Variants in RNF24 observed in about 807,000 individuals in gnomAD.
RNF24 encodes the protein ring finger protein 24.
Under a neutral mutation model 20.0 loss-of-function variants are expected in RNF24, and 14 were observed. The observed-to-expected ratio is 0.70, with a 90% CI of 0.46 to 1.10. The LOEUF (loss-of-function observed/expected upper bound fraction) is 1.10, where lower values mean the gene tolerates loss of function less well. Among genes scored for constraint, RNF24 ranks in the 50% least tolerant of loss-of-function variants. RNF24 has a pLI of 0.00. For synonymous variants in RNF24, 45 were observed against 61.1 expected, an observed-to-expected ratio of 0.74 and a Z score of 1.23; for missense variants, 124 against 177.6, an observed-to-expected ratio of 0.70 and a Z score of 1.71.
At chr20:3,966,049 G>C (rs865775862) in intron 1 of RNF24, among the ~76,000 whole-genome samples, 1 of 146,476 alleles carries the variant, frequency 6.8e-6, no homozygotes, top group Non-Finnish European at 1.5e-5. Context: ...CAGGGGAATC[G>C]CTCAAACCAG....
At chr20:3,988,036 T>C (rs1980083893) in intron 1 of RNF24, among the ~76,000 whole-genome samples, 1 of 152,130 alleles carries the variant, frequency 6.6e-6, no homozygotes, top group Non-Finnish European at 1.5e-5. Context: ...TTTTTTGGTA[T>C]TTCAGGCTGG....
chr20:4,008,378 A>G (rs1309121726), intron 1 of RNF24, among the ~76,000 whole-genome samples: 4 of 16,058 alleles, frequency 2.5e-4, no homozygotes, highest in African/African-American at 9.9e-4. Flanking sequence ...TATTATATAT[A>G]TAATATATAT....
intron 1 of RNF24, among the ~76,000 whole-genome samples, chr20:3,986,528 A>G (rs1048858383): frequency 2.4e-4 from 36 of 152,206 alleles, no homozygotes; most frequent in African/African-American, 8.2e-4. Flanking sequence ...AAGTGTTGGG[A>G]TCAGAGGCAT....
At chr20:4,008,342 T>G (rs1428361968) in intron 1 of RNF24, among the ~76,000 whole-genome samples, 1 of 90,132 alleles carries the variant, frequency 1.1e-5, no homozygotes, top group East Asian at 2.6e-4. Flanking sequence ...ATATATATAT[T>G]ATACATGTAA....
intron 4 of RNF24, among the ~76,000 whole-genome samples, chr20:3,936,823 C>T (rs1011511385): frequency 2.0e-5 from 3 of 152,116 alleles, no homozygotes; most frequent in African/African-American, 7.2e-5. Context: ...AGATTAGTAG[C>T]CTTTCCAAAC....
intron 4 of RNF24, among the ~76,000 whole-genome samples, chr20:3,935,328 T>A (rs1349636936): frequency 2.6e-5 from 4 of 152,146 alleles, no homozygotes; most frequent in African/African-American, 9.7e-5. Context: ...GCAGCTGCCT[T>A]TACTTCAGTG....
chr20:4,001,192 G>A (rs1419163496), intron 1 of RNF24, among the ~76,000 whole-genome samples: 2 of 152,010 alleles, frequency 1.3e-5, no homozygotes, highest in Admixed American at 6.6e-5. Context: ...GCTTGAACCC[G>A]GGAGGCAGAG....
intron 1 of RNF24, among the ~76,000 whole-genome samples, chr20:3,964,479 G>A (rs532015278): frequency 6.6e-6 from 1 of 152,098 alleles, no homozygotes; most frequent in African/African-American, 2.4e-5. Flanking sequence ...TAATTATATA[G>A]TCATATGTTA....
Position 3,934,291 on chromosome 20 carries a change from A to C in RNF24, c.309-90T>G. 1 of 1,362,512 alleles carries C rather than the reference A, an allele frequency of 7.3e-7. No individual in the cohort carries two copies. Among genetic ancestry groups the C allele is most frequent in the African/African-American group, 1.5e-5 (1 of 67,508 alleles). 84.4% of individuals were successfully genotyped at this position (1,362,512 alleles called of 1,614,324 possible). A position where few individuals can be genotyped will look rare whatever the true frequency, so the allele number is the denominator to read the frequency against. ...GAACATCTCCATATCTGTCACCCAG[A>C]CAACGTCTGCTGTATGGTCCAAGGA... On this transcript the variant is annotated intron_variant, in intron 5 of 5. Transcript: ENST00000358395. This position sits in a 1 kb window ranked among gnomAD's most constrained non-coding sequence, Gnocchi z 4.0.
rs1414420445 is a variant in RNF24, at chr20:4,008,644, T to G, written c.-8+6793A>C. 2.1e-5 allele frequency among the ~76,000 whole-genome samples: 3 copies of G among 146,222 alleles called. No homozygotes were observed. In the Admixed American group the frequency reaches 2.2e-4, roughly 10 times the overall value. On this transcript the variant is annotated intron_variant, in intron 1 of 5. Coordinates refer to ENST00000358395, the MANE Select transcript of RNF24 (RefSeq NM_001134337.3). The stretch of plus-strand genomic sequence containing the variant: ...CTCACTGCAACCTCCACCTCCCAGG[T>G]TCAAGCAATTCTCTGTCTCAGCCTC...
At chr20:3,952,510 A>G (rs1350675008) in intron 2 of RNF24, among the ~76,000 whole-genome samples, 1 of 151,726 alleles carries the variant, frequency 6.6e-6, no homozygotes, top group Non-Finnish European at 1.5e-5. Flanking sequence ...ATATAATCAC[A>G]ATTTAAACAC....
At chr20:3,942,759 C>T (rs1600631495) in intron 4 of RNF24, among the ~76,000 whole-genome samples, 1 of 152,074 alleles carries the variant, frequency 6.6e-6, no homozygotes, top group Non-Finnish European at 1.5e-5. Flanking sequence ...AGGCGTGAGC[C>T]ACCGCGCCTG....
Position 3,990,139 on chromosome 20 carries a change from A to G in RNF24, c.-8+25298T>C, listed in dbSNP as rs559862772. ...ATTAAAATATATCTGAGCTGTACCTAAGGTTTAAATATAAAAAATGAAATT... is the reference window on the plus strand; with the variant it reads ...ATTAAAATATATCTGAGCTGTACCTGAGGTTTAAATATAAAAAATGAAATT... On this transcript the variant is annotated intron_variant, in intron 1 of 5. Transcript: ENST00000358395. Among the ~76,000 whole-genome samples the G allele has an allele frequency of 4.1e-4, 63 of 152,316 alleles. 2 individuals carry two copies. The South Asian group carries it at 0.013, about 32-fold the overall frequency.
intron 1 of RNF24, among the ~76,000 whole-genome samples, chr20:4,014,252 A>G (rs1982695201): frequency 6.6e-6 from 1 of 152,270 alleles, no homozygotes; most frequent in Non-Finnish European, 1.5e-5. Flanking sequence ...CCTCTGCCAA[A>G]GCATTAAGGG....
intron 1 of RNF24, among the ~76,000 whole-genome samples, chr20:3,966,064 GTGGT>G (rs2146993518): frequency 6.8e-6 from 1 of 147,564 alleles, no homozygotes; most frequent in South Asian, 2.2e-4. Flanking sequence ...AACCAGGGAG[GTGGT>G]TGGTTGCAGT....
At chr20:3,935,955 T>C (rs241608) in intron 4 of RNF24, among the ~76,000 whole-genome samples, 48,076 of 151,900 alleles carry the variant, frequency 0.32, 8,228 homozygotes, top group African/African-American at 0.46. Context: ...TCTCCCTACT[T>C]GCTTCCCTGT....
chr20:3,992,224 T>G (rs557520361), intron 1 of RNF24, among the ~76,000 whole-genome samples: 2 of 152,246 alleles, frequency 1.3e-5, no homozygotes, highest in Non-Finnish European at 1.5e-5. Flanking sequence ...AAATCTTCCA[T>G]GTCTTTGATC....
At chr20:3,975,098 A>T (rs1199391702) in intron 1 of RNF24, among the ~76,000 whole-genome samples, 4 of 152,180 alleles carry the variant, frequency 2.6e-5, no homozygotes, top group Non-Finnish European at 4.4e-5. Context: ...CCAGAAATAG[A>T]CCCACACAAA....
At chr20:4,014,689 T>C (rs570256459) in intron 1 of RNF24, among the ~76,000 whole-genome samples, 2 of 152,074 alleles carry the variant, frequency 1.3e-5, no homozygotes, top group African/African-American at 2.4e-5. Flanking sequence ...ATACCCTTTT[T>C]GACAATCTCT....
Sources: gnomAD v4.1 joint callset for allele counts (sites outside exome capture counted in the v4.1 genomes callset) on GRCh38, gnomAD v4.1.1 for gene constraint, Gnocchi (gnomAD v3.1) non-coding constraint, MANE v1.5 for transcripts, NCBI Gene and HGNC (gene_info 2026-07-23, HGNC 2026-07-21) for gene names.